HS6ST3: variants seen among roughly 807,000 people sequenced by gnomAD.
HS6ST3 encodes heparan-sulfate 6-O-sulfotransferase 3.
A neutral mutation model predicts 36.7 loss-of-function variants in HS6ST3; 12 were observed. The ratio of observed to expected loss-of-function variants is 0.33; its 90% CI spans 0.21 to 0.53. HS6ST3 has a LOEUF of 0.53. Among genes scored for constraint, HS6ST3 ranks in the 20% least tolerant of loss-of-function variants. The probability of loss-of-function intolerance (pLI) is 0.95; values close to 1 mark genes in which losing one functional copy is unlikely to be tolerated. For synonymous variants in HS6ST3, 240 were observed against 257.5 expected, an observed-to-expected ratio of 0.93 and a Z score of 0.65; for missense variants, 584 against 640.9, an observed-to-expected ratio of 0.91 and a Z score of 0.96.
chr13:96,199,632 A>G (rs1255817598), intron 1 of HS6ST3, among the ~76,000 whole-genome samples: 1 of 152,084 alleles, frequency 6.6e-6, no homozygotes, highest in African/African-American at 2.4e-5. Context: ...TGTGTATTTC[A>G]TTGCATTTTT....
intron 1 of HS6ST3, among the ~76,000 whole-genome samples, chr13:96,320,155 TCTC>T (rs1239939666): frequency 3.9e-5 from 6 of 152,160 alleles, no homozygotes; most frequent in African/African-American, 1.4e-4. Flanking sequence ...CATCTGGAAT[TCTC>T]CTCTTTTTTT....
chr13:96,643,794 G>T (rs1369243165), intron 1 of HS6ST3, among the ~76,000 whole-genome samples: 1 of 151,912 alleles, frequency 6.6e-6, no homozygotes, highest in Non-Finnish European at 1.5e-5. Context: ...TTCCCAGGCT[G>T]CTGGTGTTAA....
intron 1 of HS6ST3, among the ~76,000 whole-genome samples, chr13:96,732,037 G>T (rs1429531550): frequency 6.6e-6 from 1 of 152,010 alleles, no homozygotes; most frequent in Non-Finnish European, 1.5e-5. Flanking sequence ...AGTGTGCAAG[G>T]CCTCTCTTTA....
intron 1 of HS6ST3, among the ~76,000 whole-genome samples, chr13:96,780,835 G>A (rs1416271885): frequency 6.6e-6 from 1 of 151,996 alleles, no homozygotes; most frequent in Admixed American, 6.6e-5. Context: ...GGACAAGCTG[G>A]TCTGGCAGAA....
At chr13:96,664,746 G>A (rs1317186864) in intron 1 of HS6ST3, among the ~76,000 whole-genome samples, 1 of 152,066 alleles carries the variant, frequency 6.6e-6, no homozygotes, top group African/African-American at 2.4e-5. Flanking sequence ...CTTTTCTTGG[G>A]CAGTTCTTAC....
intron 1 of HS6ST3, among the ~76,000 whole-genome samples, chr13:96,517,834 T>C (rs2056078569): frequency 6.6e-6 from 1 of 152,158 alleles, no homozygotes; most frequent in Non-Finnish European, 1.5e-5. Flanking sequence ...CTCCCTCTTA[T>C]AAGTGAAAAC....
chr13:96,473,682 T>A (rs1262021751), intron 1 of HS6ST3, among the ~76,000 whole-genome samples: 1 of 152,154 alleles, frequency 6.6e-6, no homozygotes, highest in African/African-American at 2.4e-5. Flanking sequence ...TTGCAGATGA[T>A]GGATGGCACT....
chr13:96,630,960 T>A (rs2056529968), intron 1 of HS6ST3, among the ~76,000 whole-genome samples: 1 of 152,168 alleles, frequency 6.6e-6, no homozygotes, highest in South Asian at 2.1e-4. Flanking sequence ...ATTTTGAGTC[T>A]TATATTTTTT....
chr13:96,201,912 G>C (rs1031701511), intron 1 of HS6ST3, among the ~76,000 whole-genome samples: 16 of 152,148 alleles, frequency 1.1e-4, no homozygotes, highest in African/African-American at 3.6e-4. Flanking sequence ...ATTATTTGTG[G>C]CAAATACTGG....
intron 1 of HS6ST3, among the ~76,000 whole-genome samples, chr13:96,446,034 G>A (rs1336079862): frequency 6.6e-6 from 1 of 152,062 alleles, no homozygotes; most frequent in Non-Finnish European, 1.5e-5. Flanking sequence ...TTAGCCGGGC[G>A]TGGTGGCGGG....
intron 1 of HS6ST3, among the ~76,000 whole-genome samples, chr13:96,610,974 T>C (rs920451070): frequency 2.0e-5 from 3 of 151,864 alleles, no homozygotes; most frequent in Non-Finnish European, 2.9e-5. Flanking sequence ...GTATTACCTA[T>C]ATGATCAGCC....
rs34679351 is a variant in HS6ST3 at position 96,799,944 on chromosome 13, G to GTA, written c.708-32528_708-32527dup. ...TCCTTTTGAATACATATATGTGTGTGTATATATATATATATATATGTGTAT... is the reference window on the plus strand; with the variant it reads ...TCCTTTTGAATACATATATGTGTGTGTATATATATATATATATATATGTGTAT... On this transcript the variant is annotated intron_variant, in intron 1 of 1. Transcript: ENST00000376705. Among the ~76,000 whole-genome samples, 827 of 88,046 alleles carry GTA rather than the reference G, an allele frequency of 9.4e-3. 22 individuals carry two copies. The highest frequency in any genetic ancestry group is 0.041 in the East Asian group (123 of 2,964). The allele number at this position is 88,046 out of a possible 152,430, so 57.8% of individuals were successfully genotyped here.
intron 1 of HS6ST3, among the ~76,000 whole-genome samples, chr13:96,421,414 A>G: frequency 6.6e-6 from 1 of 152,206 alleles, no homozygotes; most frequent in East Asian, 1.9e-4. Context: ...CTGAAGTTAC[A>G]TTGCAAATCT....
chr13:96,337,842 T>A (rs897897273), intron 1 of HS6ST3, among the ~76,000 whole-genome samples: 2 of 152,108 alleles, frequency 1.3e-5, no homozygotes, highest in African/African-American at 2.4e-5. Flanking sequence ...TTATAATTTA[T>A]CCCCTAGAGT....
At chr13:96,091,690 G>A in intron 1 of HS6ST3, 121 bp downstream of exon 1, 1 of 1,357,844 alleles carries the variant, frequency 7.4e-7, no homozygotes, top group Non-Finnish European at 9.8e-7. Context: ...GTCTTCAGCG[G>A]TTGGCGCCGT....
intron 1 of HS6ST3, among the ~76,000 whole-genome samples, chr13:96,486,295 T>G (rs948133072): frequency 1.3e-5 from 2 of 152,158 alleles, no homozygotes; most frequent in Non-Finnish European, 2.9e-5. Context: ...TCCAAGTCTT[T>G]GCTATTGTGA....
chr13:96,169,872 A>C (rs1349388919), intron 1 of HS6ST3: 2 of 152,248 alleles, frequency 1.3e-5, no homozygotes, highest in African/African-American at 4.8e-5. Flanking sequence ...AAATAAGATA[A>C]AATTTTTTAA....
chr13:96,134,992 C>A (rs899675327), intron 1 of HS6ST3, among the ~76,000 whole-genome samples: 1 of 152,138 alleles, frequency 6.6e-6, no homozygotes, highest in South Asian at 2.1e-4. Context: ...GTCATTGGGA[C>A]CTGCAAGTTT....
intron 1 of HS6ST3, among the ~76,000 whole-genome samples, chr13:96,637,983 G>A (rs1309969369): frequency 1.3e-5 from 2 of 152,056 alleles, no homozygotes; most frequent in Non-Finnish European, 1.5e-5. Context: ...TTGGGTGATA[G>A]CTCTTTTCAT....
Sources: allele counts gnomAD v4.1 joint callset (sites outside exome capture counted in the v4.1 genomes callset), GRCh38; gene constraint gnomAD v4.1.1; transcripts MANE v1.5; gene names NCBI Gene and HGNC (gene_info 2026-07-23, HGNC 2026-07-21).